The following CCDC38 variants were observed in gnomAD, a reference collection of about 807,000 sequenced individuals.
The protein encoded by CCDC38 is coiled-coil domain-containing protein 38.
In CCDC38, 69 loss-of-function variants were observed where a neutral mutation model predicts 72.8. The observed-to-expected ratio is 0.95, with a 90% CI of 0.78 to 1.16. The LOEUF (loss-of-function observed/expected upper bound fraction) is 1.16. CCDC38 is among the 50% of genes most tolerant of loss of function. The pLI is 0.00. For synonymous variants in CCDC38, 201 were observed against 213.2 expected (o/e 0.94, Z 0.50); for missense variants, 626 against 638.9 (o/e 0.98, Z 0.22).
chr12:95,888,614 TC>T (rs1481048735), intron 9 of CCDC38, 108 bp from the exon 10 acceptor site: 10 of 928,302 alleles, frequency 1.1e-5, no homozygotes, highest in Non-Finnish European at 1.6e-5. Context: ...TATTCATTTT[TC>T]TGCACAGACA....
At chr12:95,929,726 A>G (rs1189540927) in intron 2 of CCDC38, among the ~76,000 whole-genome samples, 5 of 152,242 alleles carry the variant, frequency 3.3e-5, no homozygotes, top group Non-Finnish European at 5.9e-5. Flanking sequence ...CTGAACACCA[A>G]GTATATTAGT....
chr12:95,911,599 G>A lies in CCDC38; in HGVS notation c.305-5148C>T, dbSNP rs76714673. Among the ~76,000 whole-genome samples the A allele has an allele frequency of 2.7e-3, 409 of 152,120 alleles. 1 individual carries two copies. Among genetic ancestry groups the A allele is most frequent in the Non-Finnish European group, 3.7e-3 (249 of 67,928 alleles). Reference sequence around the variant, plus strand: ...AAAAGAAGGCATACAAGTGACATCCGATAAACTGGAAAGAATGCCCGACAT... The same window carrying A: ...AAAAGAAGGCATACAAGTGACATCCAATAAACTGGAAAGAATGCCCGACAT... On this transcript the variant is annotated intron_variant, in intron 4 of 15. Coordinates refer to ENST00000344280, the MANE Select transcript of CCDC38 (RefSeq NM_182496.3).
At chr12:95,916,589 CT>C (rs1376297964) in intron 4 of CCDC38, among the ~76,000 whole-genome samples, 2 of 151,896 alleles carry the variant, frequency 1.3e-5, no homozygotes, top group Non-Finnish European at 2.9e-5. Flanking sequence ...AGGATACCCC[CT>C]ACTTGTCATT....
intron 2 of CCDC38, chr12:95,934,141 T>C (rs1282304818): frequency 2.0e-5 from 3 of 152,108 alleles, no homozygotes; most frequent in African/African-American, 4.8e-5. Flanking sequence ...ATGAAAAATA[T>C]GCTCTTTAAG....
intron 5 of CCDC38, 125 bp from the exon 6 acceptor site, chr12:95,898,856 G>T: frequency 1.1e-6 from 1 of 947,180 alleles, no homozygotes; most frequent in African/African-American, 1.7e-5. Flanking sequence ...TTGGAGCAAT[G>T]GACTTTATTT....
intron 4 of CCDC38, among the ~76,000 whole-genome samples, chr12:95,907,797 C>G (rs1297266718): frequency 1.3e-5 from 2 of 151,316 alleles, no homozygotes; most frequent in South Asian, 4.2e-4. Context: ...CCTCACATCC[C>G]GGACGGGGCG....
At chr12:95,936,778 T>C (rs2080399071) in intron 1 of CCDC38, among the ~76,000 whole-genome samples, 1 of 152,240 alleles carries the variant, frequency 6.6e-6, no homozygotes, top group African/African-American at 2.4e-5. Flanking sequence ...CAAATAACTA[T>C]GGTATATCCA....
chr12:95,919,672 TA>T (rs1468087688), intron 2 of CCDC38: 1 of 454,364 alleles, frequency 2.2e-6, no homozygotes, highest in Non-Finnish European at 4.4e-6. Context: ...ACCAAAATAG[TA>T]GGATAAAATT....
At position 95,903,624 on chromosome 12, in the gene CCDC38, T is replaced by C. The variant is rs1401877943; in HGVS notation, c.369+2763A>G. ...ATGAATTTTGGATATTGTTGAGTGGTTTTTCTGCATCAATTGGGATAATCA... is the reference window on the plus strand; with the variant it reads ...ATGAATTTTGGATATTGTTGAGTGGCTTTTCTGCATCAATTGGGATAATCA... On this transcript the variant is annotated intron_variant, in intron 5 of 15. Coordinates refer to ENST00000344280, the MANE Select transcript of CCDC38 (RefSeq NM_182496.3). The C allele has an allele frequency of 1.3e-5, 7 of 543,734 alleles. No homozygotes were observed. In the Admixed American group the frequency reaches 2.0e-4, roughly 15 times the overall value. The allele number at this position is 543,734 out of a possible 1,614,324, so 33.7% of individuals were successfully genotyped here.
intron 8 of CCDC38, among the ~76,000 whole-genome samples, chr12:95,893,511 G>A (rs886263753): frequency 7.9e-5 from 11 of 140,074 alleles, no homozygotes; most frequent in South Asian, 4.7e-4. Context: ...TTGAGACAGG[G>A]TCTCACTCCC....
Position 95,872,185 on chromosome 12 carries a change from G to A in CCDC38, c.1484+70C>T. 2.2e-6 allele frequency: 3 copies of A among 1,348,540 alleles called. No individual in the cohort carries two copies. The South Asian group carries it at 3.7e-5, about 16-fold the overall frequency. The allele number at this position is 1,348,540 out of a possible 1,614,324, so 83.5% of individuals were successfully genotyped here. A position where few individuals can be genotyped will look rare whatever the true frequency, so the allele number is the denominator to read the frequency against. ...TAATATGACATTACACAAGAGACTT[G>A]CTAATGTGTTTGTGGAATCTGAGCA... On this transcript the variant is annotated intron_variant, in intron 14 of 15. Transcript: ENST00000344280.
At chr12:95,907,920 G>A (rs1398397052) in intron 4 of CCDC38, among the ~76,000 whole-genome samples, 1 of 151,226 alleles carries the variant, frequency 6.6e-6, no homozygotes, top group Admixed American at 6.6e-5. Context: ...TCCTAGATGG[G>A]ATGGCGGCTG....
At chr12:95,887,911 C>G (rs1355846653) in intron 10 of CCDC38, among the ~76,000 whole-genome samples, 1 of 152,130 alleles carries the variant, frequency 6.6e-6, no homozygotes, top group Non-Finnish European at 1.5e-5. Context: ...CAAAATGTTT[C>G]CGTTTCTCTC....
At chr12:95,917,820 G>A (rs1257530076) in intron 3 of CCDC38, among the ~76,000 whole-genome samples, 1 of 145,418 alleles carries the variant, frequency 6.9e-6, no homozygotes, top group African/African-American at 2.6e-5. Context: ...GCAGTGAGCC[G>A]AGATCACACC....
intron 5 of CCDC38, among the ~76,000 whole-genome samples, chr12:95,902,685 A>G (rs1018837410): frequency 6.6e-6 from 1 of 152,148 alleles, no homozygotes; most frequent in Non-Finnish European, 1.5e-5. Context: ...ATGAGCACAT[A>G]TGCTTTTATT....
At chr12:95,884,221 A>G (rs954853325) in intron 10 of CCDC38, among the ~76,000 whole-genome samples, 1 of 152,262 alleles carries the variant, frequency 6.6e-6, no homozygotes, top group African/African-American at 2.4e-5. Flanking sequence ...AAATTCTTGA[A>G]CTAATAAGTG....
At chr12:95,940,562 C>G (rs1055946470) in intron 1 of CCDC38, among the ~76,000 whole-genome samples, 3 of 152,164 alleles carry the variant, frequency 2.0e-5, no homozygotes, top group Non-Finnish European at 4.4e-5. Flanking sequence ...CTCTCAGACC[C>G]AATGCCCTTC....
intron 5 of CCDC38, 92 bp from the exon 6 acceptor site, chr12:95,898,823 A>G: frequency 8.2e-7 from 1 of 1,222,494 alleles, no homozygotes. Flanking sequence ...CATTTGTATT[A>G]GAAATAATAG....
chr12:95,900,939 A>G (rs2079943999), intron 5 of CCDC38, among the ~76,000 whole-genome samples: 1 of 152,108 alleles, frequency 6.6e-6, no homozygotes. Flanking sequence ...GAGTGATAGG[A>G]GTGAGGTCAG....
Sources: gnomAD v4.1 joint callset for allele counts (sites outside exome capture counted in the v4.1 genomes callset) on GRCh38, gnomAD v4.1.1 for gene constraint, MANE v1.5 for transcripts, NCBI Gene and HGNC (gene_info 2026-07-23, HGNC 2026-07-21) for gene names.